The following ABI2 variants were observed in gnomAD, a reference collection of about 807,000 sequenced individuals.
ABI2 encodes abl interactor 2.
Under a neutral mutation model 59.2 loss-of-function variants are expected in ABI2, and 25 were observed. The observed-to-expected ratio is 0.42, with a 90% CI of 0.31 to 0.59. ABI2 has a LOEUF of 0.59. ABI2 is among the 20% of genes least tolerant of loss of function. The pLI, the probability that ABI2 is intolerant of heterozygous loss-of-function variation, is 0.14. For missense variants in ABI2, 545 were observed against 681.8 expected, an observed-to-expected ratio of 0.80 and a Z score of 2.23; for synonymous variants, 213 against 235.5, an observed-to-expected ratio of 0.90 and a Z score of 0.87.
At chr2:203,376,005 T>A in intron 2 of ABI2, 5 of 1,335,662 alleles carry the variant, frequency 3.7e-6, no homozygotes, top group Non-Finnish European at 5.1e-6. Context: ...AGATTACCTT[T>A]ATTATTATAG....
chr2:203,337,941 A>G (rs189062784), intron 1 of ABI2, among the ~76,000 whole-genome samples: 115 of 152,304 alleles, frequency 7.6e-4, no homozygotes, highest in Middle Eastern at 3.4e-3. Flanking sequence ...GAGTTGGGAG[A>G]ATCGCTTGAA....
intron 9 of ABI2, among the ~76,000 whole-genome samples, chr2:203,404,087 T>C (rs2097333230): frequency 6.6e-6 from 1 of 152,116 alleles, no homozygotes; most frequent in Non-Finnish European, 1.5e-5. Flanking sequence ...CCTACCTACA[T>C]ATTTAAAAAA....
chr2:203,373,593 T>C (rs1029381272), intron 2 of ABI2, among the ~76,000 whole-genome samples: 1 of 152,150 alleles, frequency 6.6e-6, no homozygotes, highest in African/African-American at 2.4e-5. Context: ...TCAGTACTTA[T>C]CCATGTTCAA....
intron 2 of ABI2, among the ~76,000 whole-genome samples, 198 bp from the exon 3 acceptor site, chr2:203,380,010 T>G (rs923519593): frequency 6.6e-6 from 1 of 152,242 alleles, no homozygotes. Flanking sequence ...TGGGCCAGAT[T>G]TGGCCTGTGG....
chr2:203,383,775 G>T (rs1309804244), intron 4 of ABI2, among the ~76,000 whole-genome samples: 1 of 152,150 alleles, frequency 6.6e-6, no homozygotes, highest in Non-Finnish European at 1.5e-5. Context: ...TAGCATTATG[G>T]ATTCCTTATC....
At chr2:203,381,303 G>C (rs568613900) in intron 3 of ABI2, among the ~76,000 whole-genome samples, 5 of 152,110 alleles carry the variant, frequency 3.3e-5, no homozygotes, top group Admixed American at 6.5e-5. Context: ...TTGAGACAGG[G>C]TCTCACTCTG....
chr2:203,375,532 C>G (rs547846830), intron 2 of ABI2, among the ~76,000 whole-genome samples: 2 of 152,152 alleles, frequency 1.3e-5, no homozygotes, highest in East Asian at 3.9e-4. Flanking sequence ...ATTGTAATGT[C>G]AAAGAATATC....
intron 10 of ABI2, 92 bp downstream of exon 10, chr2:203,411,463 T>A (rs1057365580): frequency 8.0e-5 from 76 of 951,142 alleles, no homozygotes; most frequent in Non-Finnish European, 1.0e-4. Flanking sequence ...CATTTGCTGA[T>A]ACTTCAACAT....
intron 11 of ABI2, among the ~76,000 whole-genome samples, chr2:203,425,319 C>A (rs2098396173): frequency 6.6e-6 from 1 of 151,968 alleles, no homozygotes; most frequent in Admixed American, 6.6e-5. Context: ...TCTCTTGCCT[C>A]AGCCTCCCAA....
rs774855487 is a variant in ABI2 at position 203,416,963 on chromosome 2, T to C, written c.1335T>C (p.Ser445=). 4 of 1,614,016 alleles carry C rather than the reference T, an allele frequency of 2.5e-6. No individual in the cohort carries two copies. In the East Asian group the frequency reaches 8.9e-5, roughly 36 times the overall value. Residue 445 remains serine, a synonymous_variant, in exon 11 of 12, where the codon TCT becomes TCC. Coordinates refer to ENST00000261018, the MANE Select transcript of ABI2 (RefSeq NM_001375670.1). ...PPVEEPVFDE[S]PPPPPPPEDY... Reference sequence around the variant, plus strand: ...TGGAAGAACCAGTCTTTGATGAGTCTCCCCCACCTCCTCCTCCTCCAGAAG... The same window carrying C: ...TGGAAGAACCAGTCTTTGATGAGTCCCCCCCACCTCCTCCTCCTCCAGAAG...
chr2:203,369,940 G>C (rs1217325133), intron 2 of ABI2, among the ~76,000 whole-genome samples: 2 of 151,606 alleles, frequency 1.3e-5, no homozygotes, highest in African/African-American at 4.9e-5. Flanking sequence ...GTGTTTACAG[G>C]TAGAATTCTT....
At chr2:203,348,490 T>G (rs2085200474) in intron 1 of ABI2, among the ~76,000 whole-genome samples, 1 of 152,160 alleles carries the variant, frequency 6.6e-6, no homozygotes, top group South Asian at 2.1e-4. Flanking sequence ...TTTCATATGG[T>G]CAGTTATATG....
Position 203,328,429 on chromosome 2 carries a change from C to A in ABI2, c.-86C>A. On this transcript the variant is annotated 5_prime_UTR_variant, in exon 1 of 12. Coordinates refer to ENST00000261018, the MANE Select transcript of ABI2 (RefSeq NM_001375670.1). Reference sequence around the variant, plus strand: ...TACCGCCGCCGTCGCCGCCGCTCCTCCTCTCCCGGTCCTGGGTTTCCTTGG... The same window carrying A: ...TACCGCCGCCGTCGCCGCCGCTCCTACTCTCCCGGTCCTGGGTTTCCTTGG... The A allele has an allele frequency of 8.8e-7, 1 of 1,137,422 alleles. No individual in the cohort carries two copies. The highest frequency in any genetic ancestry group is 1.3e-6 in the Non-Finnish European group (1 of 787,302). The allele number at this position is 1,137,422 out of a possible 1,614,324, so 70.5% of individuals were successfully genotyped here. A position where few individuals can be genotyped will look rare whatever the true frequency, so the allele number is the denominator to read the frequency against.
chr2:203,392,275 T>TCAC (rs75654136), intron 5 of ABI2, among the ~76,000 whole-genome samples: 3,529 of 127,312 alleles, frequency 0.028, 145 homozygotes, highest in East Asian at 0.13. Flanking sequence ...ACCACCACCA[T>TCAC]CACCACCACC....
intron 2 of ABI2, 121 bp from the exon 3 acceptor site, chr2:203,380,087 A>G (rs910952407): frequency 3.1e-6 from 2 of 638,024 alleles, no homozygotes; most frequent in African/African-American, 3.8e-5. Context: ...AAGAATAAAA[A>G]TTTAGCAAGC....
chr2:203,421,905 A>C (rs1464153971), intron 11 of ABI2, among the ~76,000 whole-genome samples: 1 of 149,132 alleles, frequency 6.7e-6, no homozygotes, highest in Non-Finnish European at 1.5e-5. Context: ...TGGAGCTTGC[A>C]GTGAGCCAAG....
At chr2:203,375,943 G>A (rs2095649882) in intron 2 of ABI2, 6 of 747,488 alleles carry the variant, frequency 8.0e-6, no homozygotes, top group Non-Finnish European at 1.3e-5. Flanking sequence ...CAATACTGCA[G>A]TTCAACCCCG....
intron 2 of ABI2, chr2:203,374,944 G>C (rs934974832): frequency 2.4e-6 from 1 of 412,550 alleles, no homozygotes; most frequent in Non-Finnish European, 5.1e-6. Flanking sequence ...ATTTTATACA[G>C]TACCTTCCTG....
intron 2 of ABI2, among the ~76,000 whole-genome samples, chr2:203,370,388 A>C (rs1379009341): frequency 6.6e-5 from 10 of 152,160 alleles, no homozygotes. Flanking sequence ...ATGCCCAGCA[A>C]AGAGAGATGA....
Sources: allele counts gnomAD v4.1 joint callset (sites outside exome capture counted in the v4.1 genomes callset), GRCh38; gene constraint gnomAD v4.1.1; transcripts MANE v1.5; gene names NCBI Gene and HGNC (gene_info 2026-07-23, HGNC 2026-07-21).